Variants in EPHB1 observed in about 807,000 individuals in gnomAD.
The protein encoded by EPHB1 is EPH receptor B1.
Under a neutral mutation model 94.4 loss-of-function variants are expected in EPHB1, and 30 were observed. The observed-to-expected ratio is 0.32, with a 90% CI of 0.24 to 0.43. The LOEUF (loss-of-function observed/expected upper bound fraction) is 0.43. Ranked by LOEUF, EPHB1 falls within the 20% of genes least tolerant of loss-of-function variation. EPHB1 has a pLI of 1.00. For missense variants in EPHB1, 1,055 were observed against 1,308.3 expected (o/e 0.81, Z 2.99); for synonymous variants, 522 against 489.1 (o/e 1.07, Z -0.89).
At chr3:134,860,946 G>A (rs995651979) in intron 1 of EPHB1, among the ~76,000 whole-genome samples, 1 of 152,114 alleles carries the variant, frequency 6.6e-6, no homozygotes, top group Non-Finnish European at 1.5e-5. Context: ...TGTTTCATTT[G>A]CACGTGTTTG....
At chr3:134,886,397 T>G (rs746813746) in intron 1 of EPHB1, among the ~76,000 whole-genome samples, 1 of 152,190 alleles carries the variant, frequency 6.6e-6, no homozygotes, top group Non-Finnish European at 1.5e-5. Context: ...TTGAGAAAAC[T>G]GAGAGACACA....
chr3:134,983,974 G>T (rs1190783734), intron 3 of EPHB1, among the ~76,000 whole-genome samples: 1 of 152,162 alleles, frequency 6.6e-6, no homozygotes, highest in Non-Finnish European at 1.5e-5. Context: ...GGAACTCCAG[G>T]GTACCTCAAG....
chr3:134,933,162 T>C (rs931193028), intron 2 of EPHB1, among the ~76,000 whole-genome samples: 2 of 152,182 alleles, frequency 1.3e-5, no homozygotes, highest in African/African-American at 4.8e-5. Context: ...ATCTCTTTTC[T>C]CTCTGTCTTC....
At chr3:135,115,384 C>T (rs1375292778) in intron 4 of EPHB1, among the ~76,000 whole-genome samples, 2 of 152,178 alleles carry the variant, frequency 1.3e-5, no homozygotes, top group African/African-American at 4.8e-5. Context: ...TTGTTCACCT[C>T]TAAGGCGAAG....
intron 1 of EPHB1, among the ~76,000 whole-genome samples, chr3:134,898,172 C>T (rs1406203796): frequency 2.6e-5 from 4 of 152,088 alleles, no homozygotes; most frequent in Non-Finnish European, 5.9e-5. Context: ...ATGGGCCAAG[C>T]GTTTTGTGAT....
At chr3:135,148,349 C>A (rs1941082879) in intron 5 of EPHB1, among the ~76,000 whole-genome samples, 1 of 152,184 alleles carries the variant, frequency 6.6e-6, no homozygotes, top group Non-Finnish European at 1.5e-5. Flanking sequence ...CCACGTGAAC[C>A]TGTGATATGA....
At chr3:134,985,460 T>C (rs1193549115) in intron 3 of EPHB1, among the ~76,000 whole-genome samples, 2 of 152,086 alleles carry the variant, frequency 1.3e-5, no homozygotes, top group African/African-American at 4.8e-5. Flanking sequence ...GCCCGGCCGG[T>C]GGGCTTTAAT....
At chr3:134,977,947 T>G (rs1368383893) in intron 3 of EPHB1, 1 of 455,980 alleles carries the variant, frequency 2.2e-6, no homozygotes, top group Admixed American at 2.4e-5. Context: ...TGCCATCCAT[T>G]CTGTTTTTCT....
At chr3:134,937,595 G>T (rs1435283888) in intron 2 of EPHB1, among the ~76,000 whole-genome samples, 3 of 152,256 alleles carry the variant, frequency 2.0e-5, no homozygotes, top group Admixed American at 2.0e-4. Flanking sequence ...TGATGGGCCA[G>T]CTTGAGGCTG....
chr3:135,165,787 G>GT (rs1230172964), intron 7 of EPHB1, among the ~76,000 whole-genome samples, 181 bp from the exon 8 acceptor site: 2 of 152,210 alleles, frequency 1.3e-5, no homozygotes, highest in Admixed American at 1.3e-4. Context: ...GTTTTTGGTT[G>GT]TTTTTGTTTA....
At chr3:135,140,594 C>T (rs1321942591) in intron 5 of EPHB1, among the ~76,000 whole-genome samples, 1 of 152,100 alleles carries the variant, frequency 6.6e-6, no homozygotes, top group Non-Finnish European at 1.5e-5. Context: ...TTGCAGTTAC[C>T]CCTTACATTC....
At position 135,102,356 on chromosome 3, in the gene EPHB1, A is replaced by G. The variant is rs538837083; in HGVS notation, c.806-4092A>G. Among the ~76,000 whole-genome samples the G allele has an allele frequency of 2.9e-4, 44 of 152,322 alleles. No homozygotes were observed. In the East Asian group the frequency reaches 7.5e-3, roughly 26 times the overall value. ...TTTGCTTTTGCTTCTCATGGCCTGAATATTCTTCATCAGAAGCCACCCAGA... is the reference window on the plus strand; with the variant it reads ...TTTGCTTTTGCTTCTCATGGCCTGAGTATTCTTCATCAGAAGCCACCCAGA... On this transcript the variant is annotated intron_variant, in intron 3 of 15. Coordinates refer to ENST00000398015, the MANE Select transcript of EPHB1 (RefSeq NM_004441.5).
intron 3 of EPHB1, among the ~76,000 whole-genome samples, chr3:135,050,912 T>TTGTGTG (rs61632320): frequency 1.3e-3 from 193 of 148,052 alleles, no homozygotes; most frequent in African/African-American, 4.1e-3. Context: ...TAAACACCCT[T>TTGTGTG]TGTGTGTGTG....
At chr3:134,807,344 G>C (rs2036082029) in intron 1 of EPHB1, among the ~76,000 whole-genome samples, 1 of 152,172 alleles carries the variant, frequency 6.6e-6, no homozygotes, top group Non-Finnish European at 1.5e-5. Flanking sequence ...CTGATTAATA[G>C]ACTGGTGGGG....
rs1410036103 is a variant in EPHB1, at chr3:134,951,418, C to T, written c.171C>T (p.Thr57=). The change falls in exon 3 of 16, where the codon ACC becomes ACT. Residue 57 remains threonine (T), a synonymous_variant. Transcript: ENST00000398015. The surrounding 1 kb of genome is among the most constrained non-coding windows in gnomAD (Gnocchi z 4.5). The stretch of plus-strand genomic sequence containing the variant: ...ATGAAAACCTGAACACCATCCGCAC[C>T]TACCAGGTGTGCAATGTCTTCGAGC... ...GYDENLNTIR[T]YQVCNVFEPN... is the part of the protein sequence containing the mutation. The T allele has an allele frequency of 6.2e-7, 1 of 1,602,082 alleles. No homozygotes were observed. Among genetic ancestry groups the T allele is most frequent in the Admixed American group, 1.7e-5 (1 of 59,428 alleles).
At chr3:135,243,074 C>CAAAAAAAAAAAAAA (rs397933477) in intron 13 of EPHB1, among the ~76,000 whole-genome samples, 1 of 98,372 alleles carries the variant, frequency 1.0e-5, no homozygotes, top group Admixed American at 1.2e-4. Flanking sequence ...GACCCTGTCT[C>CAAAAAAAAAAAAAA]AAAAAAAAAA....
At chr3:134,915,157 T>C (rs570669188) in intron 1 of EPHB1, among the ~76,000 whole-genome samples, 1 of 152,242 alleles carries the variant, frequency 6.6e-6, no homozygotes, top group Admixed American at 6.5e-5. Context: ...CCTCTTGTAA[T>C]TGGTTGAATT....
intron 1 of EPHB1, among the ~76,000 whole-genome samples, chr3:134,912,352 A>G (rs986645647): frequency 6.6e-6 from 1 of 152,248 alleles, no homozygotes; most frequent in African/African-American, 2.4e-5. Context: ...AGACTGGAAC[A>G]TGCCAGGCTC....
chr3:135,045,460 G>A (rs532792735), intron 3 of EPHB1, among the ~76,000 whole-genome samples: 12 of 152,178 alleles, frequency 7.9e-5, no homozygotes, highest in African/African-American at 2.7e-4. Context: ...ACAAGCACTC[G>A]TGTGATTGAG....
Sources: allele counts gnomAD v4.1 joint callset (sites outside exome capture counted in the v4.1 genomes callset), GRCh38; gene constraint gnomAD v4.1.1; non-coding constraint Gnocchi (gnomAD v3.1); transcripts MANE v1.5; gene names NCBI Gene and HGNC (gene_info 2026-07-23, HGNC 2026-07-21).